The following RHAG variants were observed in gnomAD, a reference collection of about 807,000 sequenced individuals.
The protein encoded by RHAG is ammonium transporter Rh type A.
In RHAG, 25 loss-of-function variants were observed where a neutral mutation model predicts 42.4. The observed-to-expected ratio is 0.59, with a 90% CI of 0.43 to 0.82. The LOEUF is 0.82. Ranked by LOEUF, RHAG falls within the 40% of genes least tolerant of loss-of-function variation. The probability of loss-of-function intolerance (pLI) is 0.00; values close to 1 mark genes in which losing one functional copy is unlikely to be tolerated. For missense variants in RHAG, 483 were observed against 504.6 expected, an observed-to-expected ratio of 0.96 and a Z score of 0.41; for synonymous variants, 182 against 177.7, an observed-to-expected ratio of 1.02 and a Z score of -0.19.
chr6:49,631,400 A>G (rs1039914112), intron 1 of RHAG, among the ~76,000 whole-genome samples: 4 of 152,196 alleles, frequency 2.6e-5, no homozygotes, highest in Non-Finnish European at 4.4e-5. Context: ...ATTCTTCTAT[A>G]AAGAAGAGCT....
At chr6:49,629,477 C>T (rs530418526) in intron 1 of RHAG, among the ~76,000 whole-genome samples, 5 of 152,368 alleles carry the variant, frequency 3.3e-5, no homozygotes, top group South Asian at 4.1e-4. Context: ...GGAGCTCAGC[C>T]GGCTTCACCC....
At chr6:49,609,802 T>C (rs966458092) in intron 7 of RHAG, among the ~76,000 whole-genome samples, 6 of 152,244 alleles carry the variant, frequency 3.9e-5, no homozygotes, top group African/African-American at 1.4e-4. Flanking sequence ...CTCTAGTTAG[T>C]GATCATTCAG....
chr6:49,613,044 T>C (rs1343247360), intron 5 of RHAG, among the ~76,000 whole-genome samples: 1 of 151,984 alleles, frequency 6.6e-6, no homozygotes, highest in Non-Finnish European at 1.5e-5. Flanking sequence ...TTGAGGACAT[T>C]TGAGGATGAA....
intron 5 of RHAG, among the ~76,000 whole-genome samples, chr6:49,613,363 C>T (rs1386333080): frequency 6.6e-6 from 1 of 152,132 alleles, no homozygotes; most frequent in Non-Finnish European, 1.5e-5. Flanking sequence ...AACCACTGTG[C>T]CCGGACAGGA....
At chr6:49,615,992 C>G (rs919371219) in intron 3 of RHAG, among the ~76,000 whole-genome samples, 1 of 152,188 alleles carries the variant, frequency 6.6e-6, no homozygotes, top group African/African-American at 2.4e-5. Context: ...AGGTCAGTTA[C>G]TTCCTTGCAA....
Position 49,614,680 on chromosome 6 carries a change from C to T in RHAG, c.807+7G>A. On this transcript the variant is annotated splice_region_variant and intron_variant, in intron 5 of 9. Transcript: ENST00000371175. Reference sequence around the variant, plus strand: ...AAAATTTCCATGAGGGCTAAGGCGGCACTTACCATGTTGAGCTTGCCTCGG... The same window carrying T: ...AAAATTTCCATGAGGGCTAAGGCGGTACTTACCATGTTGAGCTTGCCTCGG... 6.2e-7 allele frequency: 1 copy of T among 1,613,196 alleles called. No homozygotes were observed. The highest frequency in any genetic ancestry group is 8.5e-7 in the Non-Finnish European group (1 of 1,179,924).
intron 7 of RHAG, among the ~76,000 whole-genome samples, chr6:49,609,689 T>C (rs889330456): frequency 3.3e-5 from 5 of 152,236 alleles, no homozygotes; most frequent in African/African-American, 1.2e-4. Context: ...GTAGGAAATA[T>C]GATTAAATGC....
Position 49,613,365 on chromosome 6 carries a change from C to T in RHAG, c.808-831G>A, listed in dbSNP as rs189832347. ...GATTACAGGCATGAACCACTGTGCC[C>T]GGACAGGAATCAATTTTTGTTTAGC... On this transcript the variant is annotated intron_variant, in intron 5 of 9. Coordinates refer to ENST00000371175, the MANE Select transcript of RHAG (RefSeq NM_000324.3). Among the ~76,000 whole-genome samples, 707 of 152,228 alleles carry T rather than the reference C, an allele frequency of 4.6e-3. 4 individuals carry two copies. Among genetic ancestry groups the T allele is most frequent in the South Asian group, 0.016 (79 of 4,816 alleles).
chr6:49,611,125 C>T lies in RHAG; in HGVS notation c.966G>A (p.Leu322=), dbSNP rs1487805584. The T allele has an allele frequency of 6.2e-7, 1 of 1,613,374 alleles. No individual in the cohort carries two copies. The highest frequency in any genetic ancestry group is 1.3e-5 in the African/African-American group (1 of 74,888). ...KFLTPLFTTK[L]RIHDTCGVHN... is the part of the protein sequence containing the mutation. ...GGACCCCACATGTATCATGGATCCT[C>T]AGTTTAGTAGTAAAAAGTGGCTAAA... is the stretch of plus-strand genomic sequence containing the variant. The change falls in exon 7 of 10, where the codon CTG becomes CTA. Residue 322 remains leucine, a synonymous_variant. Transcript: ENST00000371175.
At chr6:49,624,294 C>T (rs539451710) in intron 1 of RHAG, among the ~76,000 whole-genome samples, 2 of 152,182 alleles carry the variant, frequency 1.3e-5, no homozygotes, top group Non-Finnish European at 2.9e-5. Flanking sequence ...CAGCCTCTGC[C>T]TCCTGGGTTC....
rs766300873 is a variant in RHAG at position 49,619,250 on chromosome 6, G to A, written c.270C>T (p.Gly90=). 9 of 1,614,064 alleles carry A rather than the reference G, an allele frequency of 5.6e-6. No individual in the cohort carries two copies. Among genetic ancestry groups the A allele is most frequent in the Non-Finnish European group, 7.6e-6 (9 of 1,179,972 alleles). The part of the protein sequence containing the change: ...VGINLLVAAL[G]LQWGTIVQGI... ...CCTGTACAATAGTGCCCCACTGGAG[G>A]CCCAAAGCAGCAACGAGTAGGTTGA... is the stretch of plus-strand genomic sequence containing the variant. Residue 90 remains glycine, a synonymous_variant, in exon 2 of 10, where the codon GGC becomes GGT. Coordinates refer to ENST00000371175, the MANE Select transcript of RHAG (RefSeq NM_000324.3).
In RHAG at chr6:49,636,748, A is replaced by C; in HGVS notation, c.65T>G (p.Leu22Ter). ...CTGGTCCGTTTCATACTCAACAAATAATCCAAATAAAACAATCATGGCAAT... is the reference window on the plus strand; with the variant it reads ...CTGGTCCGTTTCATACTCAACAAATCATCCAAATAAAACAATCATGGCAAT... The part of the protein sequence containing the change: ...LEIAMIVLFG[L>*]FVEYETDQTV... The change falls in exon 1 of 10, where the codon TTA becomes TGA. Residue 22 changes from leucine (L) to a stop codon, truncating the protein, a stop_gained. Transcript: ENST00000371175. LOFTEE classifies it high-confidence loss of function. 2 of 1,614,026 alleles carry C rather than the reference A, an allele frequency of 1.2e-6. No homozygotes were observed. The highest frequency in any genetic ancestry group is 2.7e-5 in the African/African-American group (2 of 75,038).
intron 1 of RHAG, among the ~76,000 whole-genome samples, chr6:49,623,591 C>T (rs1043080973): frequency 3.3e-5 from 5 of 152,126 alleles, no homozygotes; most frequent in Admixed American, 6.5e-5. Flanking sequence ...GTAATATTAA[C>T]CCCCAGACTA....
intron 1 of RHAG, among the ~76,000 whole-genome samples, chr6:49,621,830 C>T (rs77669931): frequency 6.6e-6 from 1 of 151,872 alleles, no homozygotes; most frequent in Non-Finnish European, 1.5e-5. Flanking sequence ...AGTGTCTTAG[C>T]TCTACAATTT....
At position 49,614,779 on chromosome 6, in the gene RHAG, C is replaced by T; in HGVS notation, c.715G>A (p.Ala239Thr). 6.2e-7 allele frequency: 1 copy of T among 1,614,088 alleles called. No homozygotes were observed. Among genetic ancestry groups the T allele is most frequent in the Non-Finnish European group, 8.5e-7 (1 of 1,180,004 alleles). Residue 239 changes from alanine (A) to threonine (T), a missense_variant, in exon 5 of 10, where the codon GCC (alanine) becomes ACC (threonine). Ala to Thr is a moderately conservative substitution (Grantham distance 58, BLOSUM62 0). Transcript: ENST00000371175. ...IAEPGDKQCR[A>T]IVNTYFSLAA... ...AGAGAGAAGTACGTGTTTACAATGG[C>T]CCTGCACTGTTTGTCTCCAGGTTCA...
At chr6:49,632,828 G>A (rs1177123246) in intron 1 of RHAG, among the ~76,000 whole-genome samples, 6 of 152,066 alleles carry the variant, frequency 3.9e-5, no homozygotes, top group East Asian at 3.9e-4. Context: ...TCTCTAGTCC[G>A]TCTACATGTT....
At chr6:49,612,232 C>T (rs1268797) in intron 6 of RHAG, among the ~76,000 whole-genome samples, 165 bp downstream of exon 6, 3,778 of 152,194 alleles carry the variant, frequency 0.025, 163 homozygotes, top group African/African-American at 0.086. Context: ...CAGAGTAGAA[C>T]CACTGAACCA....
intron 3 of RHAG, 33 bp from the exon 4 acceptor site, chr6:49,615,804 G>A (rs548710967): frequency 1.2e-6 from 2 of 1,606,540 alleles, no homozygotes; most frequent in Admixed American, 1.7e-5. Flanking sequence ...CATAAATAGA[G>A]GTGAACCTGA....
Position 49,611,024 on chromosome 6 carries a change from G to A in RHAG, c.1067C>T (p.Thr356Met), listed in dbSNP as rs1463165194. The change falls in exon 7 of 10, where the codon ACG (threonine) becomes ATG (methionine). Residue 356 changes from threonine to methionine, a missense_variant and splice_region_variant. Coordinates refer to ENST00000371175, the MANE Select transcript of RHAG (RefSeq NM_000324.3). Reference protein sequence around the residue: ...IVAVAMGASNTSMAMQAAALG... With the variant: ...IVAVAMGASNMSMAMQAAALG... ...CTGAAAAACCCATTCTTTTACTCAC[G>A]TGTTGGAGGCGCCCATTGCTACTGC... The A allele has an allele frequency of 3.1e-6, 5 of 1,613,774 alleles. No individual in the cohort carries two copies. Among genetic ancestry groups the A allele is most frequent in the South Asian group, 1.1e-5 (1 of 91,076 alleles).
Sources: allele counts gnomAD v4.1 joint callset (sites outside exome capture counted in the v4.1 genomes callset), GRCh38; gene constraint gnomAD v4.1.1; transcripts MANE v1.5; gene names NCBI Gene and HGNC (gene_info 2026-07-23, HGNC 2026-07-21).